CD4: variants seen among roughly 807,000 people sequenced by gnomAD.
The protein encoded by CD4 is CD4 molecule, also known as T-cell surface glycoprotein CD4.
A neutral mutation model predicts 50.5 loss-of-function variants in CD4; 25 were observed. The ratio of observed to expected loss-of-function variants is 0.49; its 90% CI spans 0.36 to 0.69. The LOEUF is 0.69. CD4 is among the 30% of genes least tolerant of loss of function. The pLI is 0.00. For missense variants in CD4, 456 were observed against 548.5 expected, an observed-to-expected ratio of 0.83 and a Z score of 1.68; for synonymous variants, 207 against 221.9, an observed-to-expected ratio of 0.93 and a Z score of 0.60.
At chr12:6,793,799 G>A (rs576542356) in intron 1 of CD4, among the ~76,000 whole-genome samples, 3 of 150,014 alleles carry the variant, frequency 2.0e-5, no homozygotes, top group Non-Finnish European at 3.0e-5. Context: ...ACAGGCGCCC[G>A]CCACCATCCC....
chr12:6,808,394 C>G (rs868932808), intron 3 of CD4, among the ~76,000 whole-genome samples: 3 of 125,122 alleles, frequency 2.4e-5, no homozygotes, highest in Non-Finnish European at 4.8e-5. Flanking sequence ...GAAGTTGCAG[C>G]GAGCCGAGAT....
intron 1 of CD4, among the ~76,000 whole-genome samples, chr12:6,798,699 G>A (rs1555114730): frequency 6.6e-6 from 1 of 152,114 alleles, no homozygotes; most frequent in Non-Finnish European, 1.5e-5. Flanking sequence ...GCTGTATCAG[G>A]CCCCAATTCT....
intron 3 of CD4, among the ~76,000 whole-genome samples, chr12:6,808,871 G>A (rs182121062): frequency 6.6e-6 from 1 of 152,268 alleles, no homozygotes; most frequent in East Asian, 1.9e-4. Flanking sequence ...TGTCAGCACT[G>A]AGTAGTATTA....
chr12:6,803,667 C>A (rs1034069467), intron 3 of CD4, among the ~76,000 whole-genome samples: 2 of 150,820 alleles, frequency 1.3e-5, no homozygotes, highest in South Asian at 4.2e-4. Flanking sequence ...CACTTGTAAT[C>A]CCAGCTATCC....
chr12:6,793,649 CATCTATCTATCTATCTATCTATCT>C (rs56153037), intron 1 of CD4, among the ~76,000 whole-genome samples: 7 of 128,206 alleles, frequency 5.5e-5, no homozygotes, highest in Non-Finnish European at 9.6e-5. Flanking sequence ...ATCTATCTAT[CATCTATCTATCTATCTATCTATCT>C]ATCTATCTAT....
intron 7 of CD4, among the ~76,000 whole-genome samples, chr12:6,817,980 A>G (rs111429330): frequency 0.04 from 6,112 of 151,870 alleles, 372 homozygotes; most frequent in African/African-American, 0.14. Context: ...ACACATGTGC[A>G]CACACGCGCG....
At chr12:6,812,618 G>T (rs1186339643) in intron 3 of CD4, among the ~76,000 whole-genome samples, 1 of 152,042 alleles carries the variant, frequency 6.6e-6, no homozygotes. Flanking sequence ...GGCGGAGGTT[G>T]CGGTGAGCCA....
chr12:6,819,523 T>G lies in CD4; in HGVS notation c.*194T>G. ...GTGTTGCTCTCTAGTTTCCAGAGGCTTAATCACACCGTCCTCCACGCCATT... is the reference window on the plus strand; with the variant it reads ...GTGTTGCTCTCTAGTTTCCAGAGGCGTAATCACACCGTCCTCCACGCCATT... On this transcript the variant is annotated 3_prime_UTR_variant, in exon 10 of 10. Transcript: ENST00000011653. The G allele has an allele frequency of 1.6e-6, 1 of 614,886 alleles. No homozygotes were observed. The highest frequency in any genetic ancestry group is 2.9e-6 in the Non-Finnish European group (1 of 343,980). The allele number at this position is 614,886 out of a possible 1,614,324, so 38.1% of individuals were successfully genotyped here.
intron 3 of CD4, among the ~76,000 whole-genome samples, chr12:6,802,019 G>C (rs781830268): frequency 6.6e-6 from 1 of 151,536 alleles, no homozygotes; most frequent in Non-Finnish European, 1.5e-5. Flanking sequence ...GACTACAGGC[G>C]TGTGCCACCA....
At chr12:6,793,692 CTATCTATCTATCTTT>C (rs1565488174) in intron 1 of CD4, among the ~76,000 whole-genome samples, 1 of 54,288 alleles carries the variant, frequency 1.8e-5, no homozygotes. Context: ...ATCTATCTAT[CTATCTATCTATCTTT>C]TTTTTTTTTG....
At chr12:6,804,394 G>T (rs1279316575) in intron 3 of CD4, among the ~76,000 whole-genome samples, 2 of 152,078 alleles carry the variant, frequency 1.3e-5, no homozygotes, top group African/African-American at 4.8e-5. Context: ...AAATAAAACT[G>T]TTCCTATTTG....
At chr12:6,817,665 C>T (rs1943116525) in intron 7 of CD4, among the ~76,000 whole-genome samples, 1 of 152,024 alleles carries the variant, frequency 6.6e-6, no homozygotes. Context: ...TACACACACA[C>T]TCACACACAT....
intron 3 of CD4, among the ~76,000 whole-genome samples, chr12:6,802,912 T>G (rs1490497103): frequency 6.6e-6 from 1 of 151,904 alleles, no homozygotes; most frequent in East Asian, 1.9e-4. Context: ...TTTTTTATTT[T>G]TTTATTAGAG....
At chr12:6,814,621 C>A in intron 4 of CD4, 138 bp from the exon 5 acceptor site, 1 of 773,058 alleles carries the variant, frequency 1.3e-6, no homozygotes, top group Non-Finnish European at 2.3e-6. Flanking sequence ...CCTATCTTGG[C>A]TGGGGGTGCG....
At chr12:6,815,067 C>A in intron 5 of CD4, 75 bp downstream of exon 5, 1 of 1,017,840 alleles carries the variant, frequency 9.8e-7, no homozygotes, top group East Asian at 2.6e-5. Flanking sequence ...CTCTGACTGC[C>A]CTGTTTCTGG....
intron 3 of CD4, among the ~76,000 whole-genome samples, chr12:6,805,659 G>C (rs1942729104): frequency 6.6e-6 from 1 of 151,752 alleles, no homozygotes; most frequent in Non-Finnish European, 1.5e-5. Flanking sequence ...TATATGGAGA[G>C]ACATGCTGTA....
In CD4 at chr12:6,793,679, TCTATCTATCTATCTATCTATCTATC is replaced by T. The variant is rs1942248321; in HGVS notation, c.-68+4018_-68+4042del. On this transcript the variant is annotated intron_variant, in intron 1 of 9. Transcript: ENST00000011653. ...ATCTATCTATCTATCTATCTATCTA[TCTATCTATCTATCTATCTATCTATC>T]TTTTTTTTTTTTGAGACAAAATCTC... 1.4e-4 allele frequency among the ~76,000 whole-genome samples: 14 copies of T among 97,362 alleles called. No individual in the cohort carries two copies. In the South Asian group the frequency reaches 4.0e-3, roughly 28 times the overall value. 63.9% of individuals were successfully genotyped at this position (97,362 alleles called of 152,430 possible).
intron 1 of CD4, among the ~76,000 whole-genome samples, chr12:6,798,104 G>A (rs1239812986): frequency 6.6e-6 from 1 of 151,956 alleles, no homozygotes; most frequent in Non-Finnish European, 1.5e-5. Flanking sequence ...AGTGTATTGT[G>A]TCTCTGGTTA....
Position 6,817,400 on chromosome 12 carries a change from C to G in CD4, c.1156+70C>G, listed in dbSNP as rs578110262. ...CCTTCCTGTGGTTGGCAGAGACCAC[C>G]CAGAGTCCCGGCCTCCCAATGCCTG... On this transcript the variant is annotated intron_variant, in intron 7 of 9. Transcript: ENST00000011653. The G allele has an allele frequency of 1.6e-5, 21 of 1,340,180 alleles. No individual in the cohort carries two copies. The East Asian group carries it at 2.5e-4, about 16-fold the overall frequency. The allele number at this position is 1,340,180 out of a possible 1,614,324, so 83.0% of individuals were successfully genotyped here. A position where few individuals can be genotyped will look rare whatever the true frequency, so the allele number is the denominator to read the frequency against.
Sources: allele counts gnomAD v4.1 joint callset (sites outside exome capture counted in the v4.1 genomes callset), GRCh38; gene constraint gnomAD v4.1.1; transcripts MANE v1.5; gene names NCBI Gene and HGNC (gene_info 2026-07-23, HGNC 2026-07-21).